MAP3K20: variants seen among roughly 807,000 people sequenced by gnomAD.
The protein encoded by MAP3K20 is mitogen-activated protein kinase kinase kinase 20, also known as HCCS-4.
A neutral mutation model predicts 85.7 loss-of-function variants in MAP3K20; 40 were observed. The observed-to-expected ratio is 0.47, with a 90% confidence interval of 0.36 to 0.61. The LOEUF (loss-of-function observed/expected upper bound fraction) is 0.61, where lower values mean the gene tolerates loss of function less well. MAP3K20 is among the 20% of genes least tolerant of loss of function. MAP3K20 has a pLI of 0.00. For synonymous variants in MAP3K20, 325 were observed against 327.7 expected, an observed-to-expected ratio of 0.99 and a Z score of 0.09; for missense variants, 817 against 961.7, an observed-to-expected ratio of 0.85 and a Z score of 1.99.
intron 16 of MAP3K20, among the ~76,000 whole-genome samples, chr2:173,251,101 A>C (rs1685032786): frequency 6.6e-6 from 1 of 152,168 alleles, no homozygotes; most frequent in Non-Finnish European, 1.5e-5. Context: ...TACTACTTTT[A>C]ATACCAGCAT....
intron 2 of MAP3K20, among the ~76,000 whole-genome samples, chr2:173,109,780 A>G (rs1687890484): frequency 2.0e-5 from 3 of 152,172 alleles, no homozygotes. Context: ...AAGTCTTCCT[A>G]AATTTCTCAC....
chr2:173,090,513 G>A (rs754547928), intron 1 of MAP3K20: 63 of 571,654 alleles, frequency 1.1e-4, no homozygotes, highest in Middle Eastern at 8.5e-4. Context: ...GTTTGCAGCC[G>A]TTTGGCTGTC....
intron 2 of MAP3K20, among the ~76,000 whole-genome samples, chr2:173,134,428 A>ATATATTT (rs56330241): frequency 1.6e-3 from 5 of 3,156 alleles, no homozygotes; most frequent in Admixed American, 6.0e-3. Context: ...ATATATATAT[A>ATATATTT]TTTTTTTTTT....
intron 2 of MAP3K20, among the ~76,000 whole-genome samples, chr2:173,146,940 A>G (rs12465665): frequency 0.063 from 9,596 of 152,162 alleles, 938 homozygotes; most frequent in East Asian, 0.53. Flanking sequence ...TTTGATTTGC[A>G]TTTCCCTAAT....
At chr2:173,089,252 C>CCAGT (rs1357462281) in intron 1 of MAP3K20, among the ~76,000 whole-genome samples, 1 of 151,726 alleles carries the variant, frequency 6.6e-6, no homozygotes, top group Non-Finnish European at 1.5e-5. Flanking sequence ...CCTAGATGTG[C>CCAGT]CAGTTCTTAA....
intron 2 of MAP3K20, among the ~76,000 whole-genome samples, chr2:173,108,789 C>T (rs1428381646): frequency 6.6e-6 from 1 of 152,196 alleles, no homozygotes; most frequent in Admixed American, 6.5e-5. Flanking sequence ...TGGAAAAGTG[C>T]ATGTGCATAT....
chr2:173,108,955 A>G (rs529087011), intron 2 of MAP3K20, among the ~76,000 whole-genome samples: 38 of 152,322 alleles, frequency 2.5e-4, no homozygotes, highest in Non-Finnish European at 5.0e-4. Flanking sequence ...TTTTGTACAG[A>G]TTGGCAGTTC....
Position 173,229,689 on chromosome 2 carries a change from C to T in MAP3K20, c.988C>T (p.Leu330=). 2 of 1,613,984 alleles carry T rather than the reference C, an allele frequency of 1.2e-6. No homozygotes were observed. Among genetic ancestry groups the T allele is most frequent in the Non-Finnish European group, 1.7e-6 (2 of 1,179,998 alleles). ...QKLTEQSNTP[L]LPSFEIGAWT... The stretch of plus-strand genomic sequence containing the variant: ...CATTTCATGCATATTTCCCATGCAG[C>T]TGCTGCCTTCCTTTGAGATTGGTGC... Residue 330 remains leucine (L), a splice_region_variant and synonymous_variant, in exon 12 of 20, where the codon CTG becomes TTG. Coordinates refer to ENST00000375213, the MANE Select transcript of MAP3K20 (RefSeq NM_016653.3).
chr2:173,267,053 C>G lies in MAP3K20; in HGVS notation c.*303C>G. On this transcript the variant is annotated 3_prime_UTR_variant, in exon 20 of 20. Transcript: ENST00000375213. ...CCCTAACCACTGATATTCTGGTTAG[C>G]AGGGCCAGGACAAGGGGAAGGAAAA... The G allele has an allele frequency of 4.7e-6, 1 of 211,764 alleles. No individual in the cohort carries two copies. Among genetic ancestry groups the G allele is most frequent in the Non-Finnish European group, 9.3e-6 (1 of 107,506 alleles). The allele number at this position is 211,764 out of a possible 1,614,324, so 13.1% of individuals were successfully genotyped here.
rs1334502238 is a variant in MAP3K20 at position 173,203,852 on chromosome 2, T to C, written c.726T>C (p.Cys242=). 1 of 1,613,810 alleles carries C rather than the reference T, an allele frequency of 6.2e-7. No individual in the cohort carries two copies. Among genetic ancestry groups the C allele is most frequent in the African/African-American group, 1.3e-5 (1 of 74,936 alleles). ...PRSFAELLHQ[C]WEADAKKRPS... is the part of the protein sequence containing the mutation. ...GTTTTGCTGAACTGTTACATCAGTGTTGGGAAGCTGATGCCAAGGTATACA... is the reference window on the plus strand; with the variant it reads ...GTTTTGCTGAACTGTTACATCAGTGCTGGGAAGCTGATGCCAAGGTATACA... Residue 242 remains cysteine, a synonymous_variant, in exon 9 of 20, where the codon TGT becomes TGC. Transcript: ENST00000375213.
intron 8 of MAP3K20, 109 bp from the exon 9 acceptor site, chr2:173,203,686 GC>G (rs1208043658): frequency 8.7e-6 from 7 of 802,176 alleles, no homozygotes; most frequent in Non-Finnish European, 1.2e-5. Flanking sequence ...TAAATTTCAT[GC>G]CTTATGTTCT....
intron 2 of MAP3K20, among the ~76,000 whole-genome samples, chr2:173,167,210 C>T (rs1233689246): frequency 2.0e-5 from 3 of 151,818 alleles, no homozygotes; most frequent in Non-Finnish European, 2.9e-5. Flanking sequence ...CCACTGCGCC[C>T]GGCCAACAGT....
At chr2:173,190,815 A>T (rs1292063379) in intron 5 of MAP3K20, 80 bp from the exon 6 acceptor site, 6 of 1,242,172 alleles carry the variant, frequency 4.8e-6, no homozygotes, top group African/African-American at 1.5e-5. Flanking sequence ...ACAGAAATAG[A>T]AGTTTATGGT....
intron 1 of MAP3K20, among the ~76,000 whole-genome samples, chr2:173,084,387 A>G (rs17302439): frequency 0.02 from 3,008 of 151,642 alleles, 54 homozygotes; most frequent in Admixed American, 0.041. Flanking sequence ...CTATCATTGA[A>G]TAAATAGATC....
rs1690913363 is a variant in MAP3K20 at position 173,198,146 on chromosome 2, T to C, written c.669+34T>C. ...ACGTTTCTCCATTCAGGTACATAGA[T>C]CAGAAAACAGTATTGGGGTTTTGCA... On this transcript the variant is annotated intron_variant, in intron 8 of 19. Transcript: ENST00000375213. This position sits in a 1 kb window ranked among gnomAD's most constrained non-coding sequence, Gnocchi z 5.8. 1.3e-6 allele frequency: 2 copies of C among 1,579,072 alleles called. No individual in the cohort carries two copies. Among genetic ancestry groups the C allele is most frequent in the Non-Finnish European group, 1.7e-6 (2 of 1,155,350 alleles).
At chr2:173,139,478 A>G (rs1217103821) in intron 2 of MAP3K20, among the ~76,000 whole-genome samples, 1 of 152,314 alleles carries the variant, frequency 6.6e-6, no homozygotes, top group African/African-American at 2.4e-5. Context: ...TGTTTGGACC[A>G]AGGATAAAAG....
intron 11 of MAP3K20, chr2:173,226,053 T>G: frequency 3.0e-6 from 3 of 985,424 alleles, no homozygotes; most frequent in Non-Finnish European, 3.6e-6. Flanking sequence ...AGCCTACAGC[T>G]CACTGTTTTT....
intron 2 of MAP3K20, among the ~76,000 whole-genome samples, chr2:173,123,522 G>A (rs13029949): frequency 0.27 from 41,171 of 152,076 alleles, 6,916 homozygotes; most frequent in Non-Finnish European, 0.37. Context: ...TACTCCAGGT[G>A]AGGCTACTCA....
intron 16 of MAP3K20, among the ~76,000 whole-genome samples, chr2:173,252,409 T>G (rs1255560068): frequency 2.0e-5 from 3 of 152,216 alleles, no homozygotes; most frequent in Admixed American, 6.5e-5. Context: ...TGCTTTCTCA[T>G]CCTCCATTAG....
Sources: gnomAD v4.1 joint callset for allele counts (sites outside exome capture counted in the v4.1 genomes callset) on GRCh38, gnomAD v4.1.1 for gene constraint, Gnocchi (gnomAD v3.1) non-coding constraint, MANE v1.5 for transcripts, NCBI Gene and HGNC (gene_info 2026-07-23, HGNC 2026-07-21) for gene names.